TMEM132C: variants seen among roughly 807,000 people sequenced by gnomAD.
The protein encoded by TMEM132C is protein phosphatase 1, regulatory subunit 152.
TMEM132C carries 29 observed loss-of-function variants against 61.4 expected under a neutral mutation model. The ratio of observed to expected loss-of-function variants is 0.47; its 90% confidence interval spans 0.35 to 0.64. The LOEUF (loss-of-function observed/expected upper bound fraction) is 0.64, where lower values mean the gene tolerates loss of function less well. Ranked by LOEUF, TMEM132C falls within the 30% of genes least tolerant of loss-of-function variation. The probability of loss-of-function intolerance (pLI) is 0.00; values close to 1 mark genes in which losing one functional copy is unlikely to be tolerated. For synonymous variants in TMEM132C, 656 were observed against 633.1 expected, an observed-to-expected ratio of 1.04 and a Z score of -0.54; for missense variants, 1,408 against 1,476.9, an observed-to-expected ratio of 0.95 and a Z score of 0.76.
At chr12:128,366,183 T>A (rs1486255143) in intron 1 of TMEM132C, among the ~76,000 whole-genome samples, 1 of 152,216 alleles carries the variant, frequency 6.6e-6, no homozygotes. Flanking sequence ...CGTCGCTGCC[T>A]GTGTCGCCCG....
intron 1 of TMEM132C, among the ~76,000 whole-genome samples, chr12:128,378,225 C>T (rs1455228106): frequency 6.6e-6 from 1 of 152,124 alleles, no homozygotes; most frequent in Non-Finnish European, 1.5e-5. Flanking sequence ...CGCCATTCTC[C>T]TGCCTTAGCC....
intron 2 of TMEM132C, among the ~76,000 whole-genome samples, chr12:128,422,093 A>C (rs114145886): frequency 0.01 from 1,597 of 152,366 alleles, 29 homozygotes; most frequent in African/African-American, 0.036. Context: ...GGCATTATTT[A>C]CTTTTCCAAG....
chr12:128,563,822 G>T (rs770080815), intron 3 of TMEM132C, among the ~76,000 whole-genome samples: 4 of 152,124 alleles, frequency 2.6e-5, no homozygotes, highest in Non-Finnish European at 5.9e-5. Flanking sequence ...GTTCATTTGG[G>T]CTGCTCAAAC....
intron 2 of TMEM132C, among the ~76,000 whole-genome samples, chr12:128,531,222 A>C (rs956499495): frequency 6.6e-6 from 1 of 152,228 alleles, no homozygotes; most frequent in Non-Finnish European, 1.5e-5. Context: ...AGGAAATCCT[A>C]CTGCTCTCTG....
At chr12:128,693,740 C>A in intron 5 of TMEM132C, 89 bp from the exon 6 acceptor site, 1 of 1,412,128 alleles carries the variant, frequency 7.1e-7, no homozygotes, top group Non-Finnish European at 9.7e-7. Flanking sequence ...AGCATTTGTG[C>A]TTTGCAAGAT....
intron 5 of TMEM132C, among the ~76,000 whole-genome samples, chr12:128,692,085 G>A (rs11059836): frequency 0.47 from 66,982 of 142,398 alleles, 15,170 homozygotes; most frequent in Middle Eastern, 0.54. Context: ...CCATCCATCC[G>A]TTCATGTGTC....
chr12:128,467,979 T>C (rs572507104), intron 2 of TMEM132C, among the ~76,000 whole-genome samples: 1 of 152,268 alleles, frequency 6.6e-6, no homozygotes, highest in Admixed American at 6.5e-5. Flanking sequence ...ATGATAAACA[T>C]GTGCTCTGTG....
intron 1 of TMEM132C, among the ~76,000 whole-genome samples, chr12:128,349,915 C>T (rs1873283752): frequency 1.7e-5 from 1 of 58,376 alleles, no homozygotes; most frequent in Admixed American, 2.6e-4. Context: ...TGAACACGTA[C>T]CGTACACACA....
intron 2 of TMEM132C, among the ~76,000 whole-genome samples, chr12:128,542,859 C>CA (rs59362697): frequency 0.22 from 18,221 of 80,984 alleles, 1,989 homozygotes; most frequent in African/African-American, 0.33. Context: ...TACTTCGATG[C>CA]AAAAAAAAAA....
chr12:128,314,480 A>T (rs2135929435), intron 1 of TMEM132C, among the ~76,000 whole-genome samples: 1 of 152,354 alleles, frequency 6.6e-6, no homozygotes, highest in Middle Eastern at 3.4e-3. Context: ...ATTCAGTGGT[A>T]TCATGAATGG....
At chr12:128,386,345 G>C (rs895944636) in intron 1 of TMEM132C, among the ~76,000 whole-genome samples, 5 of 152,310 alleles carry the variant, frequency 3.3e-5, no homozygotes, top group South Asian at 2.1e-4. Context: ...GCCAACGCTT[G>C]CCTTTGAACC....
At chr12:128,660,424 G>T (rs1489056173) in intron 4 of TMEM132C, among the ~76,000 whole-genome samples, 1 of 152,176 alleles carries the variant, frequency 6.6e-6, no homozygotes, top group Non-Finnish European at 1.5e-5. Flanking sequence ...GGGAGTTCCT[G>T]CAGGGTCTCC....
intron 1 of TMEM132C, among the ~76,000 whole-genome samples, chr12:128,273,378 T>A (rs1220908841): frequency 6.6e-6 from 1 of 152,164 alleles, no homozygotes; most frequent in Non-Finnish European, 1.5e-5. Flanking sequence ...TTCTTTTGAT[T>A]GGTATTTTTA....
chr12:128,634,267 G>C (rs773747659), intron 4 of TMEM132C, among the ~76,000 whole-genome samples: 1 of 152,156 alleles, frequency 6.6e-6, no homozygotes, highest in Admixed American at 6.5e-5. Context: ...GTAGAGACAC[G>C]GTCTCACTAT....
chr12:128,282,714 C>T (rs1018777020), intron 1 of TMEM132C, among the ~76,000 whole-genome samples: 1 of 152,192 alleles, frequency 6.6e-6, no homozygotes, highest in African/African-American at 2.4e-5. Flanking sequence ...AGTTAGTTGT[C>T]ATGGGTTTTT....
At chr12:128,658,640 C>T (rs1266457496) in intron 4 of TMEM132C, among the ~76,000 whole-genome samples, 1 of 152,136 alleles carries the variant, frequency 6.6e-6, no homozygotes, top group African/African-American at 2.4e-5. Context: ...AGTCACCTTC[C>T]TTGAGCTAAA....
At chr12:128,462,781 G>GT (rs1254676489) in intron 2 of TMEM132C, among the ~76,000 whole-genome samples, 1 of 152,236 alleles carries the variant, frequency 6.6e-6, no homozygotes, top group East Asian at 1.9e-4. Context: ...ATGAAGGTCT[G>GT]TAATACCTAT....
At chr12:128,299,041 T>A (rs1157820999) in intron 1 of TMEM132C, among the ~76,000 whole-genome samples, 3 of 152,234 alleles carry the variant, frequency 2.0e-5, no homozygotes, top group Non-Finnish European at 4.4e-5. Flanking sequence ...GTGGGATGAA[T>A]GTGATAACTT....
chr12:128,663,220 A>G (rs1282165147), intron 4 of TMEM132C, among the ~76,000 whole-genome samples: 1 of 152,198 alleles, frequency 6.6e-6, no homozygotes, highest in Non-Finnish European at 1.5e-5. Context: ...ACAAAAGGAG[A>G]CGTCGTACCC....
Sources: allele counts gnomAD v4.1 joint callset (sites outside exome capture counted in the v4.1 genomes callset), GRCh38; gene constraint gnomAD v4.1.1; transcripts MANE v1.5; gene names NCBI Gene and HGNC (gene_info 2026-07-23, HGNC 2026-07-21).